The following RIMKLB variants were observed in gnomAD, a reference collection of about 807,000 sequenced individuals.
RIMKLB encodes the protein beta-citrylglutamate synthase B.
A neutral mutation model predicts 32.0 loss-of-function variants in RIMKLB; 7 were observed. That is an observed-to-expected ratio of 0.22 (90% CI 0.12 to 0.41). RIMKLB has a LOEUF of 0.41. Among genes scored for constraint, RIMKLB ranks in the 10% least tolerant of loss-of-function variants. RIMKLB has a pLI of 1.00. For synonymous variants in RIMKLB, 172 were observed against 185.1 expected (o/e 0.93, Z 0.57); for missense variants, 289 against 498.7 (o/e 0.58, Z 4.00).
At chr12:8,741,797 T>C (rs1050411785) in intron 2 of RIMKLB, among the ~76,000 whole-genome samples, 5 of 151,770 alleles carry the variant, frequency 3.3e-5, no homozygotes, top group Admixed American at 1.3e-4. Context: ...GGTACTGTGC[T>C]CACTCCCTGG....
intron 1 of RIMKLB, among the ~76,000 whole-genome samples, chr12:8,688,913 C>T (rs753684003): frequency 6.6e-6 from 1 of 152,216 alleles, no homozygotes; most frequent in East Asian, 1.9e-4. Flanking sequence ...CGGCTCACTG[C>T]AGCCTTGGCC....
the RIMKLB span, among the ~76,000 whole-genome samples, chr12:8,672,847 A>G: frequency 6.6e-6 from 1 of 152,148 alleles, no homozygotes; most frequent in Non-Finnish European, 1.5e-5. Context: ...TTCTCACCAA[A>G]AGCAGATGCC....
downstream of RIMKLB, among the ~76,000 whole-genome samples, chr12:8,778,644 G>A (rs980530248): frequency 6.6e-6 from 1 of 152,096 alleles, no homozygotes; most frequent in East Asian, 1.9e-4. Context: ...CCTCTCCTCC[G>A]TCTTTACCCC....
chr12:8,748,571 T>TATAC (rs1273930914), intron 2 of RIMKLB, among the ~76,000 whole-genome samples: 19 of 148,922 alleles, frequency 1.3e-4, no homozygotes, highest in Admixed American at 1.1e-3. Flanking sequence ...TATATATATA[T>TATAC]ACACAAAATT....
intron 1 of RIMKLB, among the ~76,000 whole-genome samples, chr12:8,710,804 C>T (rs1013480187): frequency 2.0e-5 from 3 of 152,032 alleles, no homozygotes; most frequent in Non-Finnish European, 4.4e-5. Context: ...AACTGCCACA[C>T]TCAGGTGAAG....
At chr12:8,713,277 C>T (rs1944530704) in intron 1 of RIMKLB, among the ~76,000 whole-genome samples, 1 of 151,842 alleles carries the variant, frequency 6.6e-6, no homozygotes, top group South Asian at 2.1e-4. Context: ...TTGAAGCTTA[C>T]CTAGTAAGAT....
At chr12:8,772,669 T>G (rs1950506606) in intron 5 of RIMKLB, among the ~76,000 whole-genome samples, 1 of 152,228 alleles carries the variant, frequency 6.6e-6, no homozygotes, top group Non-Finnish European at 1.5e-5. Flanking sequence ...TCACATGTCA[T>G]CCTCACTCCT....
chr12:8,673,244 G>A, the RIMKLB span, among the ~76,000 whole-genome samples: 4 of 152,058 alleles, frequency 2.6e-5, no homozygotes, highest in Non-Finnish European at 5.9e-5. Flanking sequence ...GAGCTATGCT[G>A]AGAGCAGTGA....
intron 5 of RIMKLB, among the ~76,000 whole-genome samples, chr12:8,771,253 G>C (rs1467525761): frequency 2.0e-5 from 3 of 152,152 alleles, no homozygotes; most frequent in African/African-American, 4.8e-5. Flanking sequence ...TGGCCTCTCT[G>C]TGCCACATTC....
rs1476845548 is a variant in RIMKLB at position 8,776,715 on chromosome 12, CT to C, written c.*2932del. 1.0e-6 allele frequency: 1 copy of C among 985,130 alleles called. No individual in the cohort carries two copies. Among genetic ancestry groups the C allele is most frequent in the Non-Finnish European group, 1.2e-6 (1 of 829,876 alleles). The allele number at this position is 985,130 out of a possible 1,614,324, so 61.0% of individuals were successfully genotyped here. A position where few individuals can be genotyped will look rare whatever the true frequency, so the allele number is the denominator to read the frequency against. On this transcript the variant is annotated 3_prime_UTR_variant, in exon 6 of 6. Coordinates refer to ENST00000535829, the MANE Select transcript of RIMKLB (RefSeq NM_001297776.2). ...GCCTATAATTGATTGGTCATTTCTG[CT>C]GGCTTTTCTCCAATGAACATTGAAA...
chr12:8,776,953 G>C lies in RIMKLB; in HGVS notation c.*3169G>C. On this transcript the variant is annotated 3_prime_UTR_variant, in exon 6 of 6. Transcript: ENST00000535829. ...CCCAGTTTGGGGCTTGTGGGGCTTAGAGACATTGTGAAATCAAATCTTGTG... is the reference window on the plus strand; with the variant it reads ...CCCAGTTTGGGGCTTGTGGGGCTTACAGACATTGTGAAATCAAATCTTGTG... 1.0e-6 allele frequency: 1 copy of C among 985,824 alleles called. No individual in the cohort carries two copies. The highest frequency in any genetic ancestry group is 1.2e-6 in the Non-Finnish European group (1 of 829,910). The allele number at this position is 985,824 out of a possible 1,614,324, so 61.1% of individuals were successfully genotyped here. A position where few individuals can be genotyped will look rare whatever the true frequency, so the allele number is the denominator to read the frequency against.
chr12:8,720,973 A>G (rs1231033604), intron 2 of RIMKLB, among the ~76,000 whole-genome samples: 2 of 152,216 alleles, frequency 1.3e-5, no homozygotes, highest in East Asian at 1.9e-4. Flanking sequence ...GAACCAGGTA[A>G]TTTTTAAAAG....
chr12:8,722,637 G>A (rs1437114358), intron 2 of RIMKLB, among the ~76,000 whole-genome samples: 1 of 152,192 alleles, frequency 6.6e-6, no homozygotes, highest in Non-Finnish European at 1.5e-5. Context: ...CTTCTCTTTA[G>A]CTGCTATCAA....
intron 2 of RIMKLB, among the ~76,000 whole-genome samples, chr12:8,715,228 CTT>C (rs61677474): frequency 4.0e-4 from 49 of 123,672 alleles, no homozygotes; most frequent in African/African-American, 5.6e-4. Context: ...TGCTCTTGTT[CTT>C]TTTTTTTTTT....
chr12:8,702,638 T>C (rs1245479291), intron 1 of RIMKLB, among the ~76,000 whole-genome samples: 1 of 152,206 alleles, frequency 6.6e-6, no homozygotes, highest in Non-Finnish European at 1.5e-5. Flanking sequence ...GTATTTGAAT[T>C]TTTCATACTT....
At chr12:8,769,473 C>T (rs2138200614) in intron 5 of RIMKLB, among the ~76,000 whole-genome samples, 1 of 152,170 alleles carries the variant, frequency 6.6e-6, no homozygotes, top group African/African-American at 2.4e-5. Flanking sequence ...TAGTTTCCAT[C>T]TTTTAATGGA....
At chr12:8,766,574 C>T (rs765327900) in intron 5 of RIMKLB, among the ~76,000 whole-genome samples, 3 of 152,288 alleles carry the variant, frequency 2.0e-5, no homozygotes, top group South Asian at 2.1e-4. Context: ...GCAAACAGCT[C>T]GCAGGTTTGA....
At chr12:8,729,716 T>A (rs955850408) in intron 2 of RIMKLB, among the ~76,000 whole-genome samples, 1 of 152,168 alleles carries the variant, frequency 6.6e-6, no homozygotes, top group African/African-American at 2.4e-5. Context: ...CCCTATGACC[T>A]CAGCCTCCCA....
intron 2 of RIMKLB, among the ~76,000 whole-genome samples, chr12:8,748,464 TC>T (rs1948302572): frequency 6.6e-6 from 1 of 151,076 alleles, no homozygotes; most frequent in African/African-American, 2.4e-5. Flanking sequence ...TTTCCACAGT[TC>T]CAAGCATCCA....
Sources: gnomAD v4.1 joint callset for allele counts (sites outside exome capture counted in the v4.1 genomes callset) on GRCh38, gnomAD v4.1.1 for gene constraint, MANE v1.5 for transcripts, NCBI Gene and HGNC (gene_info 2026-07-23, HGNC 2026-07-21) for gene names.